Variants in ASAH1 observed in about 807,000 individuals in gnomAD.
ASAH1 encodes N-acylsphingosine amidohydrolase 1, also known as acid ceramidase.
In ASAH1, 70 loss-of-function variants were observed where a neutral mutation model predicts 59.5. The ratio of observed to expected loss-of-function variants is 1.18; its 90% CI spans 0.97 to 1.43. The LOEUF (loss-of-function observed/expected upper bound fraction) is 1.43, where lower values mean the gene tolerates loss of function less well. ASAH1 is among the 40% of genes most tolerant of loss of function. The pLI is 0.00. For synonymous variants in ASAH1, 213 were observed against 166.5 expected (o/e 1.28, Z -2.15); for missense variants, 660 against 482.5 (o/e 1.37, Z -3.45).
In ASAH1 at chr8:18,067,605, C is replaced by T. The variant is rs144001688; in HGVS notation, c.304-307G>A. The T allele has an allele frequency of 4.2e-3, 691 of 164,250 alleles. 2 individuals are homozygous for T. Among genetic ancestry groups the T allele is most frequent in the African/African-American group, 0.016 (669 of 41,742 alleles). The allele number at this position is 164,250 out of a possible 1,614,324, so 10.2% of individuals were successfully genotyped here. On this transcript the variant is annotated intron_variant, in intron 4 of 13. Transcript: ENST00000637790. ...AGAGAAGGCAGGAACGAGAGTAATT[C>T]CACTTGGATGACCTAACCTGACCCA...
At chr8:18,083,851 C>G in intron 1 of ASAH1, 130 bp downstream of exon 1, 1 of 1,511,484 alleles carries the variant, frequency 6.6e-7, no homozygotes, top group Non-Finnish European at 8.8e-7. Context: ...GTGCACGAAA[C>G]CACAGACCCC....
intron 12 of ASAH1, 157 bp downstream of exon 12, chr8:18,059,184 G>C: frequency 8.3e-7 from 1 of 1,211,492 alleles, no homozygotes; most frequent in Non-Finnish European, 1.2e-6. Context: ...TGCTCTTTAA[G>C]TTAAGAAAAC....
Position 18,083,826 on chromosome 8 carries a change from T to TGCACCC in ASAH1, c.78+149_78+154dup, listed in dbSNP as rs1800767220. 3.4e-6 allele frequency: 5 copies of TGCACCC among 1,460,094 alleles called. No individual in the cohort carries two copies. In the East Asian group the frequency reaches 1.0e-4, roughly 29 times the overall value. The allele number at this position is 1,460,094 out of a possible 1,614,324, so 90.4% of individuals were successfully genotyped here. A position where few individuals can be genotyped will look rare whatever the true frequency, so the allele number is the denominator to read the frequency against. ...GAGGACGGGGTTCGCCAGCCCGCTC[T>TGCACCC]GCACCCACACCCCTGTGCACGAAAC... is the stretch of plus-strand genomic sequence containing the variant. On this transcript the variant is annotated intron_variant, in intron 1 of 13. Coordinates refer to ENST00000637790, the MANE Select transcript of ASAH1 (RefSeq NM_177924.5).
At chr8:18,077,077 A>C (rs1226992893) in intron 1 of ASAH1, among the ~76,000 whole-genome samples, 1 of 152,202 alleles carries the variant, frequency 6.6e-6, no homozygotes, top group African/African-American at 2.4e-5. Context: ...GAACTCAAAG[A>C]CTGCAAAACT....
chr8:18,081,803 C>G (rs1465288822), intron 1 of ASAH1, among the ~76,000 whole-genome samples: 2 of 152,124 alleles, frequency 1.3e-5, no homozygotes, highest in Admixed American at 6.5e-5. Flanking sequence ...TATAATGACT[C>G]CAGTTGAAAA....
intron 2 of ASAH1, among the ~76,000 whole-genome samples, chr8:18,071,954 T>C (rs1055818102): frequency 5.9e-5 from 9 of 152,200 alleles, no homozygotes; most frequent in African/African-American, 2.2e-4. Context: ...ATACCTCTTC[T>C]CTTCTCATTT....
chr8:18,072,262 G>T (rs562697316), intron 2 of ASAH1, among the ~76,000 whole-genome samples: 1 of 152,300 alleles, frequency 6.6e-6, no homozygotes, highest in East Asian at 1.9e-4. Flanking sequence ...TCCTGAGACT[G>T]GCAGGGTGAC....
intron 6 of ASAH1, 53 bp downstream of exon 6, chr8:18,064,404 T>G (rs1799839084): frequency 1.5e-6 from 2 of 1,349,916 alleles, no homozygotes; most frequent in Middle Eastern, 1.8e-4. Context: ...ATTTAGAAGA[T>G]TTTTCTTTAT....
intron 3 of ASAH1, 90 bp from the exon 4 acceptor site, chr8:18,069,968 T>A: frequency 1.2e-6 from 1 of 843,644 alleles, no homozygotes; most frequent in Non-Finnish European, 1.9e-6. Flanking sequence ...TAAAAGAGAG[T>A]GCTATTTGAC....
At chr8:18,084,125 G>C, upstream of ASAH1, 2 of 1,583,196 alleles carry the variant, frequency 1.3e-6, no homozygotes, top group East Asian at 4.5e-5. Flanking sequence ...TGGGCCGGGG[G>C]CAGGCCACGC....
At chr8:18,075,788 A>G in intron 1 of ASAH1, 2 of 596,406 alleles carry the variant, frequency 3.4e-6, no homozygotes, top group African/African-American at 1.9e-5. Context: ...TTCAGTTTCA[A>G]TTCAATTTGT....
chr8:18,067,991 C>A (rs945263526), intron 4 of ASAH1: 10 of 152,114 alleles, frequency 6.6e-5, no homozygotes, highest in African/African-American at 2.4e-4. Context: ...TGTAATGTCA[C>A]CTAAACATAT....
chr8:18,063,449 A>C, intron 6 of ASAH1: 1 of 481,720 alleles, frequency 2.1e-6, no homozygotes. Context: ...GATTACAGAC[A>C]TGTGCGACCG....
chr8:18,061,912 T>C, intron 8 of ASAH1, 172 bp from the exon 9 acceptor site: 1 of 719,518 alleles, frequency 1.4e-6, no homozygotes, highest in East Asian at 2.7e-5. Context: ...TTTTTGATTC[T>C]AGTATGTGAG....
At position 18,059,389 on chromosome 8, in the gene ASAH1, A is replaced by G; in HGVS notation, c.993T>C (p.Asp331=). Residue 331 remains aspartate, a synonymous_variant, in exon 12 of 14, where the codon GAT becomes GAC. Coordinates refer to ENST00000637790, the MANE Select transcript of ASAH1 (RefSeq NM_177924.5). The stretch of plus-strand genomic sequence containing the variant: ...ACATCTTTGCAGGCGTTCTGCGATC[A>G]TCAAGGAAGAAGGGATGTTTCCAAC... ...YDRWKHPFFL[D]DRRTPAKMCL... is the part of the protein sequence containing the mutation. 6.2e-7 allele frequency: 1 copy of G among 1,614,216 alleles called. No homozygotes were observed.
In ASAH1 at chr8:18,056,737, G is replaced by A. The variant is rs560271273; in HGVS notation, c.*797C>T. 4 of 152,192 alleles carry A rather than the reference G, an allele frequency of 2.6e-5. No individual in the cohort carries two copies. Among genetic ancestry groups the A allele is most frequent in the Non-Finnish European group, 4.4e-5 (3 of 68,008 alleles). The allele number at this position is 152,192 out of a possible 1,614,324, so 9.4% of individuals were successfully genotyped here. A position where few individuals can be genotyped will look rare whatever the true frequency, so the allele number is the denominator to read the frequency against. ...TGCTACTTATGAGAATTTAAAATAT[G>A]GGTTCACTTCCTATTTTCCACAAGT... On this transcript the variant is annotated 3_prime_UTR_variant, in exon 14 of 14. Coordinates refer to ENST00000637790, the MANE Select transcript of ASAH1 (RefSeq NM_177924.5).
intron 3 of ASAH1, among the ~76,000 whole-genome samples, chr8:18,070,332 T>G (rs13265315): frequency 6.6e-6 from 1 of 152,208 alleles, no homozygotes; most frequent in Non-Finnish European, 1.5e-5. Flanking sequence ...GTATTTTTAG[T>G]AGAGACGGGG....
rs185481972 is a variant in ASAH1, at chr8:18,066,404, A to C, written c.382+816T>G. 7.3e-3 allele frequency: 979 copies of C among 134,478 alleles called. 10 individuals are homozygous for C. The highest frequency in any genetic ancestry group is 0.027 in the African/African-American group (922 of 34,042). 8.3% of individuals were successfully genotyped at this position (134,478 alleles called of 1,614,324 possible). ...AAAAGACCTTCACAAGCCCTTCTCC[A>C]AAAGAAACAAAGAAAACCAAAAAAA... On this transcript the variant is annotated intron_variant, in intron 5 of 13. Transcript: ENST00000637790.
chr8:18,072,940 C>G (rs1275507540), intron 2 of ASAH1, among the ~76,000 whole-genome samples: 3 of 152,118 alleles, frequency 2.0e-5, no homozygotes, highest in Non-Finnish European at 4.4e-5. Flanking sequence ...CCATAAATTC[C>G]TGATTCTTTT....
Sources: allele counts gnomAD v4.1 joint callset (sites outside exome capture counted in the v4.1 genomes callset), GRCh38; gene constraint gnomAD v4.1.1; transcripts MANE v1.5; gene names NCBI Gene and HGNC (gene_info 2026-07-23, HGNC 2026-07-21).